The following CIC variants were observed in gnomAD, a reference collection of about 807,000 sequenced individuals.
CIC encodes the protein protein capicua homolog.
Under a neutral mutation model 115.7 loss-of-function variants are expected in CIC, and 18 were observed. That is an observed-to-expected ratio of 0.16 (90% CI 0.11 to 0.23). The LOEUF is 0.23. Among genes scored for constraint, CIC ranks in the 10% least tolerant of loss-of-function variants. The probability of loss-of-function intolerance (pLI) is 1.00; values close to 1 mark genes in which losing one functional copy is unlikely to be tolerated. For missense variants in CIC, 2,000 were observed against 2,159.3 expected, an observed-to-expected ratio of 0.93 and a Z score of 1.46; for synonymous variants, 1,076 against 923.0, an observed-to-expected ratio of 1.17 and a Z score of -3.01.
At chr19:42,282,778 T>G (rs1191867626) in intron 2 of CIC, among the ~76,000 whole-genome samples, 5 of 150,490 alleles carry the variant, frequency 3.3e-5, no homozygotes, top group African/African-American at 1.2e-4. Context: ...CCTCCCTAGG[T>G]GGCTGTGAGG....
Position 42,292,804 on chromosome 19 carries a change from G to A in CIC, c.6141G>A (p.Pro2047=), listed in dbSNP as rs771970333. ...PPAATILPKG[P]PAPATATPAP... Reference sequence around the variant, plus strand: ...CAGCCACCATTCTGCCCAAGGGCCCGCCAGCCCCTGCCACTGCCACCCCAG... The same window carrying A: ...CAGCCACCATTCTGCCCAAGGGCCCACCAGCCCCTGCCACTGCCACCCCAG... Residue 2047 remains proline, a synonymous_variant, in exon 15 of 21, where the codon CCG becomes CCA. Coordinates refer to ENST00000681038, the MANE Select transcript of CIC (RefSeq NM_001386298.1). 4.3e-6 allele frequency: 7 copies of A among 1,613,032 alleles called. No individual in the cohort carries two copies. The highest frequency in any genetic ancestry group is 2.2e-5 in the South Asian group (2 of 91,048).
At position 42,293,049 on chromosome 19, in the gene CIC, C is replaced by A; in HGVS notation, c.6290C>A (p.Pro2097His). Residue 2097 changes from proline to histidine, a missense_variant, in exon 16 of 21, where the codon CCC (proline) becomes CAC (histidine). Transcript: ENST00000681038. ...GTGAAGGCAGCCATCGCCAGCATTC[C>A]CGTGGGGTCCTTTGAGGCAGGTGCC... ...QKVKAAIASI[P>H]VGSFEAGASG... 1.1e-5 allele frequency: 17 copies of A among 1,612,854 alleles called. No individual in the cohort carries two copies. Among genetic ancestry groups the A allele is most frequent in the Non-Finnish European group, 1.4e-5 (17 of 1,179,820 alleles).
At position 42,279,644 on chromosome 19, in the gene CIC, G is replaced by A. The variant is rs563111475; in HGVS notation, c.2794+5067G>A. Reference sequence around the variant, plus strand: ...AGTCCAGGCTTAGCAGAAGGGTGCCGTGGACGACAGGCCCAGCTTGAATGC... The same window carrying A: ...AGTCCAGGCTTAGCAGAAGGGTGCCATGGACGACAGGCCCAGCTTGAATGC... On this transcript the variant is annotated intron_variant, in intron 2 of 20. Coordinates refer to ENST00000681038, the MANE Select transcript of CIC (RefSeq NM_001386298.1). Among the ~76,000 whole-genome samples the A allele has an allele frequency of 6.6e-5, 10 of 152,346 alleles. No individual in the cohort carries two copies. In the South Asian group the frequency reaches 1.2e-3, roughly 19 times the overall value.
chr19:42,268,849 G>A (rs2036658398), upstream of CIC, among the ~76,000 whole-genome samples: 2 of 152,224 alleles, frequency 1.3e-5, no homozygotes, highest in South Asian at 4.1e-4. Context: ...TGGACAACCC[G>A]TCCCTTAGCC....
chr19:42,277,333 G>A (rs759762502), intron 2 of CIC, among the ~76,000 whole-genome samples: 13 of 152,182 alleles, frequency 8.5e-5, no homozygotes, highest in East Asian at 1.9e-4. Flanking sequence ...GGGTTCAAGC[G>A]ATTCTCCCGC....
chr19:42,294,368 C>T (rs971214220), intron 19 of CIC, 64 bp downstream of exon 19: 14 of 1,603,216 alleles, frequency 8.7e-6, no homozygotes, highest in African/African-American at 1.3e-5. Flanking sequence ...CTCTGGAAGG[C>T]GGTTAGAGAG....
chr19:42,281,384 C>CCG (rs559868793), intron 2 of CIC, among the ~76,000 whole-genome samples: 122 of 152,350 alleles, frequency 8.0e-4, no homozygotes, highest in Middle Eastern at 6.8e-3. Flanking sequence ...CCTGTACCGC[C>CCG]CGCCCGGGTG....
rs1308749424 is a variant in CIC, at chr19:42,290,034, G to A, written c.4191+83G>A. On this transcript the variant is annotated intron_variant, in intron 10 of 20. Transcript: ENST00000681038. ...TCTGTTTCTCCCGGGCTTGAGAGAGGGGGAGATTAAGGTCCAGAGAGGGCA... is the reference window on the plus strand; with the variant it reads ...TCTGTTTCTCCCGGGCTTGAGAGAGAGGGAGATTAAGGTCCAGAGAGGGCA... 8.3e-6 allele frequency: 12 copies of A among 1,437,734 alleles called. No individual in the cohort carries two copies. The African/African-American group carries it at 1.5e-4, about 18-fold the overall frequency. 89.1% of individuals were successfully genotyped at this position (1,437,734 alleles called of 1,614,324 possible).
chr19:42,281,812 CTG>C (rs950553806), intron 2 of CIC, among the ~76,000 whole-genome samples: 8 of 152,222 alleles, frequency 5.3e-5, no homozygotes, highest in African/African-American at 1.9e-4. Flanking sequence ...TCCGTGGGCA[CTG>C]TGTATTCTAC....
At position 42,287,900 on chromosome 19, in the gene CIC, C is replaced by G; in HGVS notation, c.3583C>G (p.Leu1195Val). The G allele has an allele frequency of 1.9e-6, 3 of 1,610,308 alleles. No homozygotes were observed. The highest frequency in any genetic ancestry group is 2.5e-6 in the Non-Finnish European group (3 of 1,178,346). The change falls in exon 7 of 21, where the codon CTG (leucine) becomes GTG (valine). Residue 1195 changes from leucine to valine, a missense_variant. Physicochemically the swap from Leu to Val is conservative, Grantham distance 32. Coordinates refer to ENST00000681038, the MANE Select transcript of CIC (RefSeq NM_001386298.1). The surrounding 1 kb of genome is among the most constrained non-coding windows in gnomAD (Gnocchi z 8.7). ...CAGCTCAGAGGCCAAGCCCACGAGC[C>G]TGGGGCTGGCAGGAGGGCACAAGGA... is the stretch of plus-strand genomic sequence containing the variant. ...KSSSEAKPTS[L>V]GLAGGHKETR...
At chr19:42,291,851 C>T (rs560901404) in intron 12 of CIC, 106 bp downstream of exon 12, 4 of 1,450,966 alleles carry the variant, frequency 2.8e-6, no homozygotes, top group Non-Finnish European at 3.9e-6. Flanking sequence ...ATCTGGTTCT[C>T]TGTCTTGCCA....
chr19:42,294,262 A>C lies in CIC; in HGVS notation c.7012A>C (p.Ser2338Arg). 1 of 1,613,654 alleles carries C rather than the reference A, an allele frequency of 6.2e-7. No individual in the cohort carries two copies. Among genetic ancestry groups the C allele is most frequent in the South Asian group, 1.1e-5 (1 of 91,080 alleles). Residue 2338 changes from serine to arginine, a missense_variant, in exon 19 of 21, where the codon AGT (serine) becomes CGT (arginine). This residue lies in a region of CIC where 99 missense variants were observed against 217.6 expected (regional missense o/e 0.45). Transcript: ENST00000681038. ...CAGCTCGGAGCCCAACACCCCCAAGAGTGCCAAGTGCGAGGGGGACATCTT... is the reference window on the plus strand; with the variant it reads ...CAGCTCGGAGCCCAACACCCCCAAGCGTGCCAAGTGCGAGGGGGACATCTT... ...SCSSEPNTPK[S>R]AKCEGDIFTF...
Position 42,294,187 on chromosome 19 carries a change from C to T in CIC, c.6937C>T (p.Pro2313Ser), listed in dbSNP as rs762473510. The T allele has an allele frequency of 3.7e-6, 6 of 1,613,768 alleles. No individual in the cohort carries two copies. The South Asian group carries it at 4.4e-5, about 12-fold the overall frequency. ...RKNSTDLDSA[P>S]EDPTSPKRKM... ...TGTTTGGCCAGACCTGGATTCAGCA[C>T]CCGAGGACCCCACCTCGCCCAAGCG... The change falls in exon 19 of 21, where the codon CCC becomes TCC. Residue 2313 changes from proline to serine, a missense_variant. Coordinates refer to ENST00000681038, the MANE Select transcript of CIC (RefSeq NM_001386298.1).
At chr19:42,286,557 C>T (rs1011834772) in intron 2 of CIC, among the ~76,000 whole-genome samples, 4 of 151,710 alleles carry the variant, frequency 2.6e-5, no homozygotes, top group Admixed American at 6.6e-5. Flanking sequence ...TATTTCCCTT[C>T]CCTGCTTCTG....
intron 2 of CIC, among the ~76,000 whole-genome samples, chr19:42,283,193 G>C (rs923013330): frequency 1.3e-5 from 2 of 152,098 alleles, no homozygotes; most frequent in Admixed American, 1.3e-4. Context: ...TGTGTGTGAC[G>C]GAGGAGTGTG....
intron 2 of CIC, among the ~76,000 whole-genome samples, chr19:42,276,140 A>G (rs867275610): frequency 3.3e-5 from 5 of 152,342 alleles, no homozygotes; most frequent in African/African-American, 1.2e-4. Flanking sequence ...GGCAGGAAGG[A>G]TCTTCAGGCA....
intron 2 of CIC, among the ~76,000 whole-genome samples, chr19:42,281,072 C>A (rs1248447468): frequency 1.3e-5 from 2 of 151,600 alleles, no homozygotes; most frequent in African/African-American, 2.4e-5. Context: ...CCTTGCCGAG[C>A]CGCGCCAGCC....
intron 2 of CIC, among the ~76,000 whole-genome samples, chr19:42,282,890 G>A (rs2037327741): frequency 6.7e-6 from 1 of 149,974 alleles, no homozygotes; most frequent in Non-Finnish European, 1.5e-5. Flanking sequence ...GAGGGGGGGC[G>A]GGGTTAGTGG....
Position 42,293,797 on chromosome 19 carries a change from G to A in CIC, c.6728G>A (p.Arg2243Gln), listed in dbSNP as rs1339729182. 2 of 1,612,236 alleles carry A rather than the reference G, an allele frequency of 1.2e-6. No individual in the cohort carries two copies. The highest frequency in any genetic ancestry group is 8.5e-7 in the Non-Finnish European group (1 of 1,179,452). ...AAGTGKKVKVRPPPLKKTFDS... is the reference protein window; with the variant it reads ...AAGTGKKVKVQPPPLKKTFDS... Reference sequence around the variant, plus strand: ...GGTACTGGCAAGAAGGTGAAGGTGCGGCCCCCGCCCCTGAAGAAGACCTTT... The same window carrying A: ...GGTACTGGCAAGAAGGTGAAGGTGCAGCCCCCGCCCCTGAAGAAGACCTTT... Residue 2243 changes from arginine to glutamine, a missense_variant, in exon 17 of 21, where the codon CGG (arginine) becomes CAG (glutamine). Arg to Gln is a conservative substitution (Grantham distance 43, BLOSUM62 1). This residue lies in a region of CIC where 99 missense variants were observed against 217.6 expected (regional missense o/e 0.45). Transcript: ENST00000681038.
Sources: gnomAD v4.1 joint callset for allele counts (sites outside exome capture counted in the v4.1 genomes callset) on GRCh38, gnomAD v4.1.1 for gene constraint, gnomAD v4.1.1 regional missense constraint, Gnocchi (gnomAD v3.1) non-coding constraint, MANE v1.5 for transcripts, NCBI Gene and HGNC (gene_info 2026-07-23, HGNC 2026-07-21) for gene names.